Variants in SPATA13 observed in about 807,000 individuals in gnomAD.
SPATA13 encodes the protein spermatogenesis associated 13, also known as spermatogenesis-associated protein 13.
SPATA13 carries 50 observed loss-of-function variants against 104.0 expected under a neutral mutation model. The observed-to-expected ratio is 0.48, with a 90% confidence interval of 0.38 to 0.61. The LOEUF (loss-of-function observed/expected upper bound fraction) is 0.61, where lower values mean the gene tolerates loss of function less well. Ranked by LOEUF, SPATA13 falls within the 20% of genes least tolerant of loss-of-function variation. SPATA13 has a pLI of 0.00. For missense variants in SPATA13, 1,524 were observed against 1,690.6 expected, an observed-to-expected ratio of 0.90 and a Z score of 1.73; for synonymous variants, 606 against 667.5, an observed-to-expected ratio of 0.91 and a Z score of 1.42.
intron 4 of SPATA13, among the ~76,000 whole-genome samples, chr13:24,257,194 A>G (rs564333018): frequency 2.0e-5 from 3 of 152,240 alleles, no homozygotes; most frequent in Non-Finnish European, 4.4e-5. Flanking sequence ...TTCTCTTTCT[A>G]CGTATCTTGT....
exon 2 of SPATA13, chr13:23,983,910 C>T (rs1268171091): frequency 3.0e-6 from 3 of 985,462 alleles, no homozygotes; most frequent in Non-Finnish European, 3.6e-6. Flanking sequence ...AAGCGTAGGC[C>T]TCACAAACAT....
At chr13:24,056,907 CTTT>C (rs201165555) in intron 3 of SPATA13, among the ~76,000 whole-genome samples, 2 of 133,176 alleles carry the variant, frequency 1.5e-5, no homozygotes, top group African/African-American at 2.8e-5. Context: ...AATGGAACTT[CTTT>C]TTTTTTTTTT....
chr13:24,299,410 C>G (rs925483079), intron 11 of SPATA13, among the ~76,000 whole-genome samples: 1 of 152,152 alleles, frequency 6.6e-6, no homozygotes, highest in South Asian at 2.1e-4. Context: ...TTCCTTGCCT[C>G]GAATATTTTG....
At chr13:24,255,169 A>G (rs1044578297) in intron 4 of SPATA13, among the ~76,000 whole-genome samples, 2 of 152,038 alleles carry the variant, frequency 1.3e-5, no homozygotes, top group African/African-American at 4.8e-5. Flanking sequence ...TATTGCTTAC[A>G]TTTGCCGCCG....
intron 1 of SPATA13, among the ~76,000 whole-genome samples, chr13:23,980,628 T>G (rs1218972664): frequency 1.3e-5 from 2 of 152,234 alleles, no homozygotes; most frequent in Non-Finnish European, 2.9e-5. Context: ...AGTCTTACTT[T>G]GTCGCCCAGG....
intron 3 of SPATA13, among the ~76,000 whole-genome samples, chr13:24,090,614 C>T (rs1879880675): frequency 6.6e-6 from 1 of 152,192 alleles, no homozygotes; most frequent in Admixed American, 6.5e-5. Context: ...GTCCCTACCC[C>T]ACTTAGAGTT....
chr13:24,135,932 G>A (rs1189624451), intron 3 of SPATA13, among the ~76,000 whole-genome samples: 1 of 152,098 alleles, frequency 6.6e-6, no homozygotes, highest in Non-Finnish European at 1.5e-5. Context: ...TAATGTGAAA[G>A]AAAAGGAGGG....
At chr13:24,227,371 C>T (rs928234995) in intron 2 of SPATA13, among the ~76,000 whole-genome samples, 2 of 152,044 alleles carry the variant, frequency 1.3e-5, no homozygotes, top group African/African-American at 4.8e-5. Flanking sequence ...GTGATTTTGA[C>T]CATTTTATGG....
intron 1 of SPATA13, among the ~76,000 whole-genome samples, chr13:24,214,288 A>G (rs1871175019): frequency 6.6e-6 from 1 of 152,206 alleles, no homozygotes; most frequent in Non-Finnish European, 1.5e-5. Context: ...ACTTAAATCC[A>G]TTGACTTTTC....
chr13:24,082,812 G>C (rs1007536257), intron 3 of SPATA13, among the ~76,000 whole-genome samples: 1 of 106,170 alleles, frequency 9.4e-6, no homozygotes, highest in African/African-American at 3.7e-5. Flanking sequence ...GGGCGACAGA[G>C]CGAGACTCCG....
At chr13:24,087,579 G>C (rs1172536659) in intron 3 of SPATA13, among the ~76,000 whole-genome samples, 1 of 152,194 alleles carries the variant, frequency 6.6e-6, no homozygotes, top group Non-Finnish European at 1.5e-5. Context: ...ATCGATGAAT[G>C]ATTCCAGTTT....
intron 1 of SPATA13, among the ~76,000 whole-genome samples, chr13:24,207,149 T>C (rs1349866968): frequency 2.0e-5 from 3 of 152,146 alleles, no homozygotes; most frequent in Non-Finnish European, 4.4e-5. Flanking sequence ...TTCTCACTTG[T>C]AAGTGGGAGC....
intron 8 of SPATA13, among the ~76,000 whole-genome samples, chr13:24,289,640 A>G (rs1262324573): frequency 6.6e-6 from 1 of 152,190 alleles, no homozygotes; most frequent in Non-Finnish European, 1.5e-5. Flanking sequence ...CCAAGACCAC[A>G]TACCAGTAAG....
intron 3 of SPATA13, among the ~76,000 whole-genome samples, chr13:24,141,081 A>G (rs1344301618): frequency 6.6e-6 from 1 of 152,030 alleles, no homozygotes; most frequent in African/African-American, 2.4e-5. Flanking sequence ...AGGCTGAGGC[A>G]GGAGAATTGC....
chr13:24,292,550 G>A (rs187408700), intron 9 of SPATA13, among the ~76,000 whole-genome samples: 143 of 152,296 alleles, frequency 9.4e-4, no homozygotes, highest in Non-Finnish European at 1.7e-3. Context: ...ATGAGAAGAG[G>A]AAGAGGGAAG....
At chr13:24,282,886 T>C (rs1875650493) in intron 4 of SPATA13, among the ~76,000 whole-genome samples, 1 of 152,234 alleles carries the variant, frequency 6.6e-6, no homozygotes, top group African/African-American at 2.4e-5. Context: ...AGGACCAGAA[T>C]TCAGACGAGA....
At position 24,223,629 on chromosome 13, in the gene SPATA13, G is replaced by A. The variant is rs1425394682; in HGVS notation, c.700G>A (p.Val234Met). The part of the protein sequence containing the change: ...PTIATGQVPA[V>M]CEILVRDPEN... ...GATAGCCACTGGCCAGGTGCCCGCC[G>A]TGTGTGAGATTCTCGTGAGGGACCC... The change falls in exon 2 of 13, where the codon GTG (valine) becomes ATG (methionine). Residue 234 changes from valine to methionine, a missense_variant. Coordinates refer to ENST00000382108, the MANE Select transcript of SPATA13 (RefSeq NM_001166271.3). The A allele has an allele frequency of 1.3e-5, 20 of 1,551,922 alleles. No individual in the cohort carries two copies. The highest frequency in any genetic ancestry group is 3.3e-4 in the Middle Eastern group (2 of 5,994).
At chr13:23,988,087 G>A (rs1464180758) in intron 2 of SPATA13, among the ~76,000 whole-genome samples, 2 of 151,962 alleles carry the variant, frequency 1.3e-5, no homozygotes, top group Non-Finnish European at 2.9e-5. Context: ...GGGATTACAG[G>A]CACCTACCAC....
At chr13:24,147,028 A>G (rs1307379108) in intron 3 of SPATA13, among the ~76,000 whole-genome samples, 1 of 152,188 alleles carries the variant, frequency 6.6e-6, no homozygotes, top group Non-Finnish European at 1.5e-5. Context: ...TTCATTGCCC[A>G]ATAGGCCTCT....
Sources: allele counts gnomAD v4.1 joint callset (sites outside exome capture counted in the v4.1 genomes callset), GRCh38; gene constraint gnomAD v4.1.1; transcripts MANE v1.5; gene names NCBI Gene and HGNC (gene_info 2026-07-23, HGNC 2026-07-21).